Variants in HTR7 observed in about 807,000 individuals in gnomAD.
HTR7 encodes the protein 5-hydroxytryptamine receptor 7.
HTR7 carries 16 observed loss-of-function variants against 34.0 expected under a neutral mutation model. The observed-to-expected ratio is 0.47, with a 90% confidence interval of 0.32 to 0.71. The LOEUF is 0.71. Ranked by LOEUF, HTR7 falls within the 30% of genes least tolerant of loss-of-function variation. The pLI, the probability that HTR7 is intolerant of heterozygous loss-of-function variation, is 0.04. For synonymous variants in HTR7, 265 were observed against 260.2 expected (o/e 1.02, Z -0.18); for missense variants, 504 against 625.5 (o/e 0.81, Z 2.07).
At chr10:90,830,244 G>T (rs1846145087) in intron 1 of HTR7, among the ~76,000 whole-genome samples, 1 of 152,114 alleles carries the variant, frequency 6.6e-6, no homozygotes, top group Non-Finnish European at 1.5e-5. Context: ...TGCCATTTTG[G>T]TTCATGGGTG....
At chr10:90,757,371 A>C (rs1232416592) in intron 1 of HTR7, among the ~76,000 whole-genome samples, 1 of 152,230 alleles carries the variant, frequency 6.6e-6, no homozygotes, top group African/African-American at 2.4e-5. Flanking sequence ...GTTAAGGGCC[A>C]ACAGAACTTG....
At chr10:90,851,291 A>G (rs1015960953) in intron 1 of HTR7, among the ~76,000 whole-genome samples, 2 of 152,156 alleles carry the variant, frequency 1.3e-5, no homozygotes, top group African/African-American at 2.4e-5. Flanking sequence ...AAAATTCCAT[A>G]CTCAGTGAAA....
rs144941890 is a variant in HTR7 at position 90,741,741 on chromosome 10, G to A, written c.*741C>T. 1.9e-3 allele frequency: 288 copies of A among 152,696 alleles called. No individual in the cohort carries two copies. Among genetic ancestry groups the A allele is most frequent in the African/African-American group, 6.6e-3 (276 of 41,546 alleles). The allele number at this position is 152,696 out of a possible 1,614,324, so 9.5% of individuals were successfully genotyped here. On this transcript the variant is annotated 3_prime_UTR_variant, in exon 4 of 4. Coordinates refer to ENST00000336152, the MANE Select transcript of HTR7 (RefSeq NM_019859.4). Reference sequence around the variant, plus strand: ...TTGGGTACCACTTGAGCTTCACTGCGATAAAAATCCTCACAGAAGGCATCC... The same window carrying A: ...TTGGGTACCACTTGAGCTTCACTGCAATAAAAATCCTCACAGAAGGCATCC...
At chr10:90,814,314 G>T (rs753669994) in intron 1 of HTR7, among the ~76,000 whole-genome samples, 6 of 152,158 alleles carry the variant, frequency 3.9e-5, no homozygotes, top group Non-Finnish European at 8.8e-5. Flanking sequence ...CACTAAATAT[G>T]CCCATTACCT....
intron 1 of HTR7, among the ~76,000 whole-genome samples, chr10:90,835,421 G>A (rs1464309562): frequency 1.3e-5 from 2 of 152,150 alleles, no homozygotes; most frequent in Admixed American, 1.3e-4. Context: ...CTATGATGAG[G>A]TCTCCACTTA....
rs191532760 is a variant in HTR7, at chr10:90,792,001, G to A, written c.540-42407C>T. ...GAAAATCTTGTGGCTCAAACTCCTC[G>A]TTTTCAGAAGCATTTACCACGCAGA... is the stretch of plus-strand genomic sequence containing the variant. On this transcript the variant is annotated intron_variant, in intron 1 of 3. Transcript: ENST00000336152. 1.2e-3 allele frequency among the ~76,000 whole-genome samples: 185 copies of A among 152,230 alleles called. 1 individual carries two copies. The highest frequency in any genetic ancestry group is 3.4e-3 in the Middle Eastern group (1 of 294).
intron 1 of HTR7, among the ~76,000 whole-genome samples, chr10:90,794,291 C>A (rs188957706): frequency 6.6e-6 from 1 of 152,092 alleles, no homozygotes; most frequent in South Asian, 2.1e-4. Flanking sequence ...TCATCTCTTG[C>A]GATAAAAAAT....
intron 1 of HTR7, among the ~76,000 whole-genome samples, chr10:90,830,427 C>CA (rs1846148633): frequency 1.3e-5 from 2 of 152,110 alleles, no homozygotes; most frequent in African/African-American, 4.8e-5. Context: ...TAAGAAAAGG[C>CA]AAAAGTCATA....
chr10:90,831,123 G>C (rs1046187884), intron 1 of HTR7, among the ~76,000 whole-genome samples: 1 of 152,178 alleles, frequency 6.6e-6, no homozygotes, highest in African/African-American at 2.4e-5. Flanking sequence ...TTCCAATTAG[G>C]GTAGTTCAAG....
chr10:90,831,546 T>C (rs1239020452), intron 1 of HTR7, among the ~76,000 whole-genome samples: 1 of 152,200 alleles, frequency 6.6e-6, no homozygotes, highest in African/African-American at 2.4e-5. Context: ...AACACATTGC[T>C]TCCAAACTGT....
chr10:90,802,703 C>A (rs763514432), intron 1 of HTR7, among the ~76,000 whole-genome samples: 7 of 152,240 alleles, frequency 4.6e-5, no homozygotes, highest in Non-Finnish European at 5.9e-5. Flanking sequence ...CCCTTGTACA[C>A]TCAAACTGCC....
intron 1 of HTR7, among the ~76,000 whole-genome samples, chr10:90,772,993 C>T (rs1564676868): frequency 1.3e-5 from 2 of 152,192 alleles, no homozygotes; most frequent in Admixed American, 6.5e-5. Context: ...CCAGAGCTTC[C>T]TCTTAACCAA....
At chr10:90,807,076 T>G (rs1475862724) in intron 1 of HTR7, among the ~76,000 whole-genome samples, 1 of 152,212 alleles carries the variant, frequency 6.6e-6, no homozygotes, top group Non-Finnish European at 1.5e-5. Flanking sequence ...TAAAACGGAT[T>G]GTAACAGTGA....
At position 90,819,109 on chromosome 10, in the gene HTR7, A is replaced by G. The variant is rs191073263; in HGVS notation, c.539+38024T>C. Among the ~76,000 whole-genome samples, 5 of 152,330 alleles carry G rather than the reference A, an allele frequency of 3.3e-5. No homozygotes were observed. In the East Asian group the frequency reaches 9.6e-4, roughly 29 times the overall value. ...TAATTCTTTATAGCAGTGTGAGAAT[A>G]GACTAATACACATAAATTAGCCAGT... is the stretch of plus-strand genomic sequence containing the variant. On this transcript the variant is annotated intron_variant, in intron 1 of 3. Transcript: ENST00000336152.
At chr10:90,829,361 T>C (rs1218161701) in intron 1 of HTR7, among the ~76,000 whole-genome samples, 1 of 152,042 alleles carries the variant, frequency 6.6e-6, no homozygotes, top group Non-Finnish European at 1.5e-5. Context: ...CCACTTTTCT[T>C]TTTTTGGGGT....
chr10:90,788,944 T>C (rs1845423957), intron 1 of HTR7, among the ~76,000 whole-genome samples: 1 of 152,168 alleles, frequency 6.6e-6, no homozygotes, highest in Non-Finnish European at 1.5e-5. Flanking sequence ...CTTGCTCAAG[T>C]GTCACCTCTA....
intron 3 of HTR7, among the ~76,000 whole-genome samples, chr10:90,743,253 GT>G (rs1844582286): frequency 6.6e-6 from 1 of 152,102 alleles, no homozygotes; most frequent in Non-Finnish European, 1.5e-5. Context: ...CTTCTTTGAG[GT>G]CCCCCTCTCA....
intron 1 of HTR7, among the ~76,000 whole-genome samples, chr10:90,775,047 T>G (rs997478974): frequency 1.3e-5 from 2 of 152,184 alleles, no homozygotes; most frequent in Non-Finnish European, 2.9e-5. Context: ...TGCCGTTGGG[T>G]AGAAAACAGA....
In HTR7 at chr10:90,748,840, G is replaced by A. The variant is rs760898658; in HGVS notation, c.1294C>T (p.Leu432=). Residue 432 remains leucine (L), a splice_region_variant and synonymous_variant, in exon 2 of 4, where the codon CTG becomes TTG. Coordinates refer to ENST00000336152, the MANE Select transcript of HTR7 (RefSeq NM_019859.4). ...AERPERPEFV[L]RACTRRVLLR... is the part of the protein sequence containing the mutation. The stretch of plus-strand genomic sequence containing the variant: ...GAAAATAGTGATAAATGACCTTACA[G>A]CACAAACTCAGGTCTCTCTGGCCTC... 6.2e-7 allele frequency: 1 copy of A among 1,610,506 alleles called. No homozygotes were observed. Among genetic ancestry groups the A allele is most frequent in the African/African-American group, 1.3e-5 (1 of 74,688 alleles).
Sources: allele counts gnomAD v4.1 joint callset (sites outside exome capture counted in the v4.1 genomes callset), GRCh38; gene constraint gnomAD v4.1.1; transcripts MANE v1.5; gene names NCBI Gene and HGNC (gene_info 2026-07-23, HGNC 2026-07-21).